ODAD2: variants seen among roughly 807,000 people sequenced by gnomAD.
ODAD2 encodes outer dynein arm docking complex subunit 2.
A neutral mutation model predicts 106.8 loss-of-function variants in ODAD2; 89 were observed. The ratio of observed to expected loss-of-function variants is 0.83; its 90% CI spans 0.70 to 0.99. The LOEUF (loss-of-function observed/expected upper bound fraction) is 0.99. ODAD2 is among the 50% of genes least tolerant of loss of function. The pLI is 0.00. For missense variants in ODAD2, 1,168 were observed against 1,238.5 expected, an observed-to-expected ratio of 0.94 and a Z score of 0.85; for synonymous variants, 404 against 436.2, an observed-to-expected ratio of 0.93 and a Z score of 0.92.
At chr10:27,856,058 AC>A (rs1249418588) in intron 19 of ODAD2, among the ~76,000 whole-genome samples, 1 of 151,906 alleles carries the variant, frequency 6.6e-6, no homozygotes, top group Non-Finnish European at 1.5e-5. Context: ...CTTCCCCATT[AC>A]TCTCCTTTGC....
intron 7 of ODAD2, among the ~76,000 whole-genome samples, chr10:27,977,696 A>G (rs943336463): frequency 2.2e-4 from 33 of 152,226 alleles, no homozygotes; most frequent in Non-Finnish European, 3.7e-4. Flanking sequence ...GCAACTCAAT[A>G]AAAAACTGAA....
At chr10:27,915,902 A>G (rs1485915601) in intron 16 of ODAD2, among the ~76,000 whole-genome samples, 2 of 152,158 alleles carry the variant, frequency 1.3e-5, no homozygotes, top group African/African-American at 4.8e-5. Context: ...ACATTTGTTC[A>G]TATATATGGC....
At chr10:27,887,463 C>T (rs1020908721) in intron 17 of ODAD2, among the ~76,000 whole-genome samples, 1 of 151,998 alleles carries the variant, frequency 6.6e-6, no homozygotes. Context: ...CTTCAAAACA[C>T]TATAGACCAA....
intron 17 of ODAD2, among the ~76,000 whole-genome samples, chr10:27,880,962 A>G (rs1407931034): frequency 1.3e-5 from 2 of 152,212 alleles, no homozygotes; most frequent in Non-Finnish European, 2.9e-5. Context: ...GGAAACTACC[A>G]GCTTAAGAGT....
At chr10:27,983,222 C>A (rs1849671092) in intron 6 of ODAD2, among the ~76,000 whole-genome samples, 1 of 152,214 alleles carries the variant, frequency 6.6e-6, no homozygotes, top group South Asian at 2.1e-4. Flanking sequence ...TCATCCAGTG[C>A]TCCATTTTCA....
At chr10:27,937,291 T>A (rs555655613) in intron 14 of ODAD2, among the ~76,000 whole-genome samples, 1 of 152,054 alleles carries the variant, frequency 6.6e-6, no homozygotes, top group African/African-American at 2.4e-5. Context: ...CAATGGCCCC[T>A]GAAATCTAGA....
At chr10:27,898,395 G>A (rs7094542) in intron 17 of ODAD2, among the ~76,000 whole-genome samples, 100,659 of 151,924 alleles carry the variant, frequency 0.66, 33,676 homozygotes, top group Middle Eastern at 0.74. Flanking sequence ...GTGTTTCTGA[G>A]AATATTAATT....
At chr10:27,850,290 A>C (rs11596093) in intron 19 of ODAD2, among the ~76,000 whole-genome samples, 90,253 of 151,460 alleles carry the variant, frequency 0.6, 27,240 homozygotes, top group Middle Eastern at 0.7. Flanking sequence ...ATCAAAAACA[A>C]AAAAATTAGA....
At chr10:27,874,696 G>T (rs1589884830) in intron 17 of ODAD2, among the ~76,000 whole-genome samples, 1 of 152,258 alleles carries the variant, frequency 6.6e-6, no homozygotes, top group African/African-American at 2.4e-5. Flanking sequence ...ACTCCCTTTT[G>T]TCTTGTAGGG....
At chr10:27,819,180 G>A (rs957047739) in intron 19 of ODAD2, among the ~76,000 whole-genome samples, 3 of 152,170 alleles carry the variant, frequency 2.0e-5, no homozygotes, top group African/African-American at 7.2e-5. Context: ...CAGTGTGTGG[G>A]AGGGAAGAGT....
At chr10:27,997,907 A>G (rs1307947109) in intron 1 of ODAD2, among the ~76,000 whole-genome samples, 1 of 152,258 alleles carries the variant, frequency 6.6e-6, no homozygotes, top group Non-Finnish European at 1.5e-5. Flanking sequence ...GTAAGTTTAA[A>G]GATTAAAAGG....
Position 27,944,259 on chromosome 10 carries a change from C to T in ODAD2, c.1706G>A (p.Arg569Gln), listed in dbSNP as rs755007652. 1.6e-5 allele frequency: 26 copies of T among 1,613,540 alleles called. No homozygotes were observed. The South Asian group carries it at 1.8e-4, about 11-fold the overall frequency. Reference protein sequence around the residue: ...IANVAKFKRARRVVRQHGGIT... With the variant: ...IANVAKFKRAQRVVRQHGGIT... ...ACCCCCGTGCTGCCTCACCACCCGC[C>T]GTGCTCTTTTAAACTTGGCAACATT... The change falls in exon 12 of 20, where the codon CGG becomes CAG. Residue 569 changes from arginine (R) to glutamine (Q), a missense_variant. By Grantham distance (43) the Arg-to-Gln change is conservative. Around this residue, in one of 3 missense-constraint regions of ODAD2, gnomAD observed 701 missense variants for 712.3 expected, o/e 0.98. Transcript: ENST00000305242.
At chr10:27,938,127 T>TG (rs774898195) in intron 14 of ODAD2, among the ~76,000 whole-genome samples, 94 of 152,178 alleles carry the variant, frequency 6.2e-4, no homozygotes, top group Non-Finnish European at 9.9e-4. Context: ...TTAGTAGAGA[T>TG]GGGGTTTCAC....
Position 27,815,834 on chromosome 10 carries a change from C to A in ODAD2, c.3022-3209G>T, listed in dbSNP as rs1564389937. 2.0e-5 allele frequency among the ~76,000 whole-genome samples: 3 copies of A among 152,162 alleles called. No homozygotes were observed. In the East Asian group the frequency reaches 5.8e-4, roughly 29 times the overall value. On this transcript the variant is annotated intron_variant, in intron 19 of 19. Coordinates refer to ENST00000305242, the MANE Select transcript of ODAD2 (RefSeq NM_018076.5). Reference sequence around the variant, plus strand: ...CCATCTTCTAAATTTCTATCTCCACCCCAGAAACCTCTTTGGAATGGAACA... The same window carrying A: ...CCATCTTCTAAATTTCTATCTCCACACCAGAAACCTCTTTGGAATGGAACA...
At chr10:27,977,584 G>T (rs981612122) in intron 7 of ODAD2, among the ~76,000 whole-genome samples, 1 of 151,004 alleles carries the variant, frequency 6.6e-6, no homozygotes, top group African/African-American at 2.4e-5. Flanking sequence ...AGAAAAAACA[G>T]AAAAGAAAAA....
At chr10:27,941,592 T>C (rs1288237470) in intron 12 of ODAD2, among the ~76,000 whole-genome samples, 3 of 125,990 alleles carry the variant, frequency 2.4e-5, no homozygotes, top group Admixed American at 9.2e-5. Context: ...ACTGCCAGCA[T>C]CCAGTTTTTT....
At chr10:27,827,190 G>A (rs1837110876) in intron 19 of ODAD2, among the ~76,000 whole-genome samples, 1 of 151,706 alleles carries the variant, frequency 6.6e-6, no homozygotes, top group African/African-American at 2.4e-5. Flanking sequence ...CTTCTTTCCA[G>A]GAATCCCTTT....
intron 19 of ODAD2, among the ~76,000 whole-genome samples, chr10:27,819,509 C>T (rs974338698): frequency 2.1e-5 from 3 of 141,498 alleles, no homozygotes; most frequent in Non-Finnish European, 4.5e-5. Flanking sequence ...GAGGCCAAGG[C>T]AGGAGGATGG....
chr10:27,957,975 G>T (rs1847849498), intron 10 of ODAD2, among the ~76,000 whole-genome samples: 1 of 152,050 alleles, frequency 6.6e-6, no homozygotes, highest in African/African-American at 2.4e-5. Context: ...AATGTCAGGT[G>T]TATTTATTTT....
Sources: gnomAD v4.1 joint callset for allele counts (sites outside exome capture counted in the v4.1 genomes callset) on GRCh38, gnomAD v4.1.1 for gene constraint, gnomAD v4.1.1 regional missense constraint, MANE v1.5 for transcripts, NCBI Gene and HGNC (gene_info 2026-07-23, HGNC 2026-07-21) for gene names.